AEBP2: variants seen among roughly 807,000 people sequenced by gnomAD.
The protein encoded by AEBP2 is zinc finger protein AEBP2.
AEBP2 carries 10 observed loss-of-function variants against 50.8 expected under a neutral mutation model. The observed-to-expected ratio is 0.20, with a 90% CI of 0.12 to 0.33. The LOEUF is 0.33. AEBP2 is among the 10% of genes least tolerant of loss of function. The probability of loss-of-function intolerance (pLI) is 1.00; values close to 1 mark genes in which losing one functional copy is unlikely to be tolerated. For synonymous variants in AEBP2, 296 were observed against 261.3 expected (o/e 1.13, Z -1.28); for missense variants, 570 against 688.0 (o/e 0.83, Z 1.92).
intron 1 of AEBP2, among the ~76,000 whole-genome samples, chr12:19,451,446 CT>C (rs1452695197): frequency 6.6e-6 from 1 of 152,140 alleles, no homozygotes; most frequent in African/African-American, 2.4e-5. Flanking sequence ...CACTTTGCGG[CT>C]TCAAGGGAGC....
intron 3 of AEBP2, among the ~76,000 whole-genome samples, chr12:19,479,699 A>C (rs1024972060): frequency 2.4e-4 from 11 of 45,900 alleles, no homozygotes; most frequent in African/African-American, 8.0e-4. Flanking sequence ...ATTATTATTT[A>C]ATGTCACCTC....
chr12:19,512,669 C>CTT (rs375847006), intron 6 of AEBP2, among the ~76,000 whole-genome samples: 1 of 147,184 alleles, frequency 6.8e-6, no homozygotes, highest in Non-Finnish European at 1.5e-5. Context: ...AGCCCCCCCT[C>CTT]TTTTTTTTTT....
intron 3 of AEBP2, among the ~76,000 whole-genome samples, chr12:19,493,525 A>T (rs1948925658): frequency 6.6e-6 from 1 of 152,252 alleles, no homozygotes; most frequent in African/African-American, 2.4e-5. Context: ...TGGGAAGAAG[A>T]TCCCATTATT....
chr12:19,410,955 T>A (rs1203104638), intron 1 of AEBP2, among the ~76,000 whole-genome samples: 1 of 152,172 alleles, frequency 6.6e-6, no homozygotes, highest in Admixed American at 6.6e-5. Context: ...TTGGGTAAAC[T>A]AATTTTACTT....
At chr12:19,498,835 A>G (rs867540698) in intron 4 of AEBP2, among the ~76,000 whole-genome samples, 23 of 152,238 alleles carry the variant, frequency 1.5e-4, no homozygotes, top group Middle Eastern at 3.4e-3. Flanking sequence ...TGCCTACTCT[A>G]TATTTGTGAA....
chr12:19,478,129 C>G (rs1004514715), intron 3 of AEBP2, among the ~76,000 whole-genome samples: 12 of 152,186 alleles, frequency 7.9e-5, no homozygotes, highest in African/African-American at 2.9e-4. Flanking sequence ...TTCAAAGAAC[C>G]AGCTTGTTCA....
intron 1 of AEBP2, among the ~76,000 whole-genome samples, chr12:19,420,732 T>C (rs1373443969): frequency 6.6e-6 from 1 of 152,178 alleles, no homozygotes; most frequent in Non-Finnish European, 1.5e-5. Flanking sequence ...ACTATCCTGC[T>C]TACACCTTTA....
intron 3 of AEBP2, among the ~76,000 whole-genome samples, chr12:19,482,755 C>T (rs543120462): frequency 1.3e-5 from 2 of 152,250 alleles, no homozygotes; most frequent in East Asian, 3.9e-4. Flanking sequence ...TTAGGCGGGG[C>T]TTGCCACAGC....
chr12:19,441,015 A>G (rs544595107), intron 1 of AEBP2, among the ~76,000 whole-genome samples: 3 of 152,330 alleles, frequency 2.0e-5, no homozygotes, highest in Admixed American at 6.5e-5. Flanking sequence ...ACACGTATAA[A>G]TGGTTGTGGA....
rs1168668852 is a variant in AEBP2, at chr12:19,521,372, A to C, written c.*3255A>C. On this transcript the variant is annotated 3_prime_UTR_variant, in exon 8 of 8. Transcript: ENST00000266508. ...ACTTTTACGGTGGGTTTTTAAAGTT[A>C]TTAATAGTCCATCATTTCATCATTT... is the stretch of plus-strand genomic sequence containing the variant. 6.6e-6 allele frequency: 1 copy of C among 152,186 alleles called. No individual in the cohort carries two copies. Among genetic ancestry groups the C allele is most frequent in the Non-Finnish European group, 1.5e-5 (1 of 68,014 alleles). The allele number at this position is 152,186 out of a possible 1,614,324, so 9.4% of individuals were successfully genotyped here. A position where few individuals can be genotyped will look rare whatever the true frequency, so the allele number is the denominator to read the frequency against.
chr12:19,456,289 C>A, intron 1 of AEBP2: 1 of 1,524,684 alleles, frequency 6.6e-7, no homozygotes, highest in Non-Finnish European at 9.0e-7. Context: ...GTGACCTTGC[C>A]AGCTCCAGCA....
At chr12:19,408,933 AAAAT>A (rs1270830457) in intron 1 of AEBP2, among the ~76,000 whole-genome samples, 5 of 151,722 alleles carry the variant, frequency 3.3e-5, no homozygotes, top group African/African-American at 9.7e-5. Context: ...AAATAAAGTA[AAAAT>A]AAATAAAGCA....
At chr12:19,412,585 G>GTTA (rs138317589) in intron 1 of AEBP2, among the ~76,000 whole-genome samples, 12 of 151,444 alleles carry the variant, frequency 7.9e-5, no homozygotes, top group South Asian at 4.2e-4. Flanking sequence ...GCCTCCGAAG[G>GTTA]TTATTATTAT....
At chr12:19,428,286 A>G (rs80211860) in intron 1 of AEBP2, among the ~76,000 whole-genome samples, 3,412 of 152,220 alleles carry the variant, frequency 0.022, 47 homozygotes, top group East Asian at 0.045. Flanking sequence ...TCCCTTACAA[A>G]ATGTCTGAGT....
intron 1 of AEBP2, among the ~76,000 whole-genome samples, chr12:19,423,801 A>G (rs2095747094): frequency 6.6e-6 from 1 of 152,182 alleles, no homozygotes; most frequent in South Asian, 2.1e-4. Context: ...AGATTGCGCC[A>G]CTGCGCTCCA....
chr12:19,424,546 G>A (rs945733872), intron 1 of AEBP2, among the ~76,000 whole-genome samples: 7 of 151,836 alleles, frequency 4.6e-5, no homozygotes, highest in Non-Finnish European at 7.4e-5. Flanking sequence ...ACAGGCGCCC[G>A]CCACCTCGCC....
At chr12:19,411,711 G>A (rs551615031) in intron 1 of AEBP2, among the ~76,000 whole-genome samples, 14 of 152,248 alleles carry the variant, frequency 9.2e-5, no homozygotes, top group East Asian at 5.8e-4. Context: ...CTGGAACATC[G>A]CCCGAAGGAA....
At position 19,500,193 on chromosome 12, in the gene AEBP2, A is replaced by T; in HGVS notation, c.1271A>T (p.Lys424Met). 1.3e-6 allele frequency: 2 copies of T among 1,581,900 alleles called. No homozygotes were observed. The highest frequency in any genetic ancestry group is 2.7e-5 in the African/African-American group (2 of 74,148). Residue 424 changes from lysine (K) to methionine (M), a missense_variant, in exon 5 of 8, where the codon AAG becomes ATG. Lys to Met is a moderately conservative substitution (Grantham distance 95, BLOSUM62 -1). Transcript: ENST00000266508. ...NLSAHIESLG[K>M]GHSVVFHSTV... Reference sequence around the variant, plus strand: ...TCAGCTCATATAGAAAGTTTAGGGAAGGGACACAGTGTTGTTTTTCATAGT... The same window carrying T: ...TCAGCTCATATAGAAAGTTTAGGGATGGGACACAGTGTTGTTTTTCATAGT...
chr12:19,428,537 T>C (rs1019379280), intron 1 of AEBP2, among the ~76,000 whole-genome samples: 1 of 152,122 alleles, frequency 6.6e-6, no homozygotes, highest in Non-Finnish European at 1.5e-5. Flanking sequence ...AAAGGCTGGG[T>C]GCGGTGGCTC....
Sources: allele counts gnomAD v4.1 joint callset (sites outside exome capture counted in the v4.1 genomes callset), GRCh38; gene constraint gnomAD v4.1.1; transcripts MANE v1.5; gene names NCBI Gene and HGNC (gene_info 2026-07-23, HGNC 2026-07-21).